TMPO: variants seen among roughly 807,000 people sequenced by gnomAD.
The protein encoded by TMPO is thymopoietin.
Under a neutral mutation model 45.4 loss-of-function variants are expected in TMPO, and 22 were observed. The ratio of observed to expected loss-of-function variants is 0.48; its 90% CI spans 0.35 to 0.69. The LOEUF (loss-of-function observed/expected upper bound fraction) is 0.69, where lower values mean the gene tolerates loss of function less well. Among genes scored for constraint, TMPO ranks in the 30% least tolerant of loss-of-function variants. The pLI, the probability that TMPO is intolerant of heterozygous loss-of-function variation, is 0.01. For synonymous variants in TMPO, 241 were observed against 204.1 expected, an observed-to-expected ratio of 1.18 and a Z score of -1.54; for missense variants, 512 against 548.8, an observed-to-expected ratio of 0.93 and a Z score of 0.67.
chr12:98,540,208 G>A (rs1307848980), intron 4 of TMPO, among the ~76,000 whole-genome samples: 1 of 152,178 alleles, frequency 6.6e-6, no homozygotes, highest in South Asian at 2.1e-4. Context: ...TTCTCTATAC[G>A]CTGCATTTTC....
At chr12:98,545,190 TAAATATGCATAAATTA>T in intron 7 of TMPO, 129 bp downstream of exon 7, 3 of 664,304 alleles carry the variant, frequency 4.5e-6, no homozygotes. Flanking sequence ...GTGGTGTGTG[TAAATATGCATAAATTA>T]TTTTAAGGAC....
chr12:98,522,612 A>C (rs372859552), intron 1 of TMPO, among the ~76,000 whole-genome samples: 2 of 152,344 alleles, frequency 1.3e-5, no homozygotes, highest in South Asian at 2.1e-4. Context: ...TGAAGTGTCT[A>C]GTGCTTAGTA....
Position 98,533,458 on chromosome 12 carries a change from C to T in TMPO, c.565+1620C>T, listed in dbSNP as rs773389005. 5.0e-6 allele frequency: 8 copies of T among 1,614,092 alleles called. No individual in the cohort carries two copies. Among genetic ancestry groups the T allele is most frequent in the Middle Eastern group, 1.6e-4 (1 of 6,062 alleles). ...TTTGCCTGGAACTTCTAACTCTATG[C>T]CCCCACTGGATGTAGAAAACATACA... On this transcript the variant is annotated intron_variant, in intron 3 of 8. Transcript: ENST00000556029.
At chr12:98,527,690 C>T (rs917583677) in intron 1 of TMPO, 196 bp from the exon 2 acceptor site, 12 of 583,896 alleles carry the variant, frequency 2.1e-5, no homozygotes, top group East Asian at 1.5e-4. Context: ...CTTGGCTGTG[C>T]GGTTTGTATG....
chr12:98,537,633 C>G (rs781526535), intron 4 of TMPO, 61 bp downstream of exon 4: 1 of 1,272,878 alleles, frequency 7.9e-7, no homozygotes, highest in Non-Finnish European at 1.1e-6. Flanking sequence ...AACACTAATC[C>G]ATGTTTTAGC....
chr12:98,531,788 C>T lies in TMPO; in HGVS notation c.515C>T (p.Thr172Ile). ...LPTISSSAEN[T>I]RQNGSNDSDR... ...ACAATTTCTTCTTCAGCAGAAAATA[C>T]AAGGCAGAATGGAAGTAATGATTCT... Residue 172 changes from threonine to isoleucine, a missense_variant, in exon 3 of 9, where the codon ACA (threonine) becomes ATA (isoleucine). By Grantham distance (89) the Thr-to-Ile change is moderately conservative. Around this residue, in one of 3 missense-constraint regions of TMPO, gnomAD observed 299 missense variants for 296.7 expected, o/e 1.01. Coordinates refer to ENST00000556029, the MANE Select transcript of TMPO (RefSeq NM_001032283.3). 1 of 1,613,756 alleles carries T rather than the reference C, an allele frequency of 6.2e-7. No individual in the cohort carries two copies. The highest frequency in any genetic ancestry group is 8.5e-7 in the Non-Finnish European group (1 of 1,179,842).
rs1471188642 is a variant in TMPO, at chr12:98,536,244, CCTTT to C, written c.566-1228_566-1225del. On this transcript the variant is annotated intron_variant, in intron 3 of 8. Transcript: ENST00000556029. ...TCATGTAAAACTTTAGAATTGACTT[CCTTT>C]CTGTCTCTTCAGTAAGAAAGTAATC... is the stretch of plus-strand genomic sequence containing the variant. 6.6e-5 allele frequency among the ~76,000 whole-genome samples: 10 copies of C among 152,252 alleles called. No homozygotes were observed. In the South Asian group the frequency reaches 1.9e-3, roughly 28 times the overall value.
chr12:98,546,238 G>A, intron 7 of TMPO, 121 bp from the exon 8 acceptor site: 2 of 742,814 alleles, frequency 2.7e-6, no homozygotes, highest in South Asian at 2.9e-5. Context: ...AATGGCAGCT[G>A]TAAAATCTAT....
chr12:98,530,532 C>G (rs1877120197), intron 2 of TMPO, among the ~76,000 whole-genome samples: 1 of 152,106 alleles, frequency 6.6e-6, no homozygotes. Flanking sequence ...AAAGATAATA[C>G]AGTTAATGTA....
chr12:98,522,774 A>AG (rs1876465228), intron 1 of TMPO, among the ~76,000 whole-genome samples: 1 of 152,368 alleles, frequency 6.6e-6, no homozygotes, highest in African/African-American at 2.4e-5. Context: ...GAGTTAGTGA[A>AG]GAGCATGCTT....
At chr12:98,522,507 A>G (rs1592933374) in intron 1 of TMPO, among the ~76,000 whole-genome samples, 1 of 152,232 alleles carries the variant, frequency 6.6e-6, no homozygotes, top group East Asian at 1.9e-4. Flanking sequence ...GACACTGAAC[A>G]GTGTCTTAAT....
intron 3 of TMPO, chr12:98,534,707 C>G: frequency 9.5e-7 from 1 of 1,055,788 alleles, no homozygotes; most frequent in Non-Finnish European, 1.1e-6. Flanking sequence ...TCCTTTATAC[C>G]TAGGACAGAA....
intron 2 of TMPO, among the ~76,000 whole-genome samples, chr12:98,530,958 C>T (rs78917209): frequency 0.018 from 2,669 of 152,272 alleles, 72 homozygotes; most frequent in African/African-American, 0.059. Flanking sequence ...AAAAAACCAC[C>T]TGTTGTAAAA....
At chr12:98,528,585 C>T (rs978440753) in intron 2 of TMPO, among the ~76,000 whole-genome samples, 9 of 151,076 alleles carry the variant, frequency 6.0e-5, no homozygotes, top group Admixed American at 1.3e-4. Context: ...CCACTTATAT[C>T]GTACTTCTGC....
chr12:98,523,899 C>T (rs2121148022), intron 1 of TMPO, among the ~76,000 whole-genome samples: 1 of 152,310 alleles, frequency 6.6e-6, no homozygotes, highest in Non-Finnish European at 1.5e-5. Flanking sequence ...TGGTCTCAAA[C>T]TCCTGACCTC....
Position 98,547,931 on chromosome 12 carries a change from G to C in TMPO, c.*73G>C, listed in dbSNP as rs1485933551. Reference sequence around the variant, plus strand: ...TGTTGAAAAACATTTGTGTACACTTGTTGACTCCAAGAACTAAAAATAATG... The same window carrying C: ...TGTTGAAAAACATTTGTGTACACTTCTTGACTCCAAGAACTAAAAATAATG... On this transcript the variant is annotated 3_prime_UTR_variant, in exon 9 of 9. Transcript: ENST00000556029. 5 of 1,521,444 alleles carry C rather than the reference G, an allele frequency of 3.3e-6. No homozygotes were observed. The highest frequency in any genetic ancestry group is 4.5e-6 in the Non-Finnish European group (5 of 1,107,980). The allele number at this position is 1,521,444 out of a possible 1,614,324, so 94.2% of individuals were successfully genotyped here.
intron 3 of TMPO, chr12:98,534,673 T>G (rs780082528): frequency 1.2e-5 from 14 of 1,130,304 alleles, no homozygotes; most frequent in Non-Finnish European, 1.4e-5. Context: ...GAGTATTTAC[T>G]GTTCAATAGA....
intron 2 of TMPO, among the ~76,000 whole-genome samples, chr12:98,528,251 CT>C (rs72519624): frequency 0.4 from 52,672 of 131,278 alleles, 10,066 homozygotes; most frequent in Middle Eastern, 0.49. Context: ...TTATATCGTA[CT>C]TTTTTTTTTT....
At chr12:98,546,035 A>G (rs753744686) in intron 7 of TMPO, among the ~76,000 whole-genome samples, 1 of 152,174 alleles carries the variant, frequency 6.6e-6, no homozygotes, top group Admixed American at 6.5e-5. Context: ...ACCCGGCCCA[A>G]CAATATACTC....
Sources: gnomAD v4.1 joint callset for allele counts (sites outside exome capture counted in the v4.1 genomes callset) on GRCh38, gnomAD v4.1.1 for gene constraint, gnomAD v4.1.1 regional missense constraint, MANE v1.5 for transcripts, NCBI Gene and HGNC (gene_info 2026-07-23, HGNC 2026-07-21) for gene names.